DTWD1: variants seen among roughly 807,000 people sequenced by gnomAD.
The protein encoded by DTWD1 is DTW motif tRNA-uridine aminocarboxypropyltransferase 1, also known as tRNA-uridine aminocarboxypropyltransferase 1.
A neutral mutation model predicts 30.2 loss-of-function variants in DTWD1; 27 were observed. The observed-to-expected ratio is 0.90, with a 90% CI of 0.66 to 1.23. The LOEUF (loss-of-function observed/expected upper bound fraction) is 1.23. DTWD1 is among the 50% of genes most tolerant of loss of function. DTWD1 has a pLI of 0.00. For missense variants in DTWD1, 342 were observed against 348.8 expected, an observed-to-expected ratio of 0.98 and a Z score of 0.15; for synonymous variants, 99 against 113.1, an observed-to-expected ratio of 0.88 and a Z score of 0.79.
rs531496787 is a variant in DTWD1, at chr15:49,633,008, A to G, written c.408+706A>G. Among the ~76,000 whole-genome samples the G allele has an allele frequency of 1.4e-4, 20 of 137,942 alleles. No individual in the cohort carries two copies. In the South Asian group the frequency reaches 4.3e-3, roughly 30 times the overall value. The allele number at this position is 137,942 out of a possible 152,430, so 90.5% of individuals were successfully genotyped here. A position where few individuals can be genotyped will look rare whatever the true frequency, so the allele number is the denominator to read the frequency against. On this transcript the variant is annotated intron_variant, in intron 3 of 4. Coordinates refer to ENST00000403028, the MANE Select transcript of DTWD1 (RefSeq NM_001144955.2). ...AATTAGTGCATTCATTTGTTCCAGGAAGAACTTGGTAAATTTTTACTTTCC... is the reference window on the plus strand; with the variant it reads ...AATTAGTGCATTCATTTGTTCCAGGGAGAACTTGGTAAATTTTTACTTTCC...
At chr15:49,627,943 C>T (rs541119214) in intron 2 of DTWD1, among the ~76,000 whole-genome samples, 1 of 152,234 alleles carries the variant, frequency 6.6e-6, no homozygotes, top group African/African-American at 2.4e-5. Context: ...CTTACTGTGA[C>T]TTTTTTACTT....
chr15:49,624,156 GT>G (rs1312539691), intron 1 of DTWD1, among the ~76,000 whole-genome samples: 1 of 151,978 alleles, frequency 6.6e-6, no homozygotes, highest in Non-Finnish European at 1.5e-5. Context: ...TGGACTTTTT[GT>G]TCACTTTCTG....
chr15:49,639,818 T>C (rs960093755), intron 4 of DTWD1, among the ~76,000 whole-genome samples: 2 of 152,198 alleles, frequency 1.3e-5, no homozygotes, highest in African/African-American at 4.8e-5. Context: ...AAGCTTGTCA[T>C]TGACATGATT....
At position 49,654,392 on chromosome 15, in the gene DTWD1, T is replaced by C. The variant is rs1033644441; in HGVS notation, c.*10814T>C. ...GAGGGTAGAGTCCATTTCCTTTTCCTTTTAATCTGGATTGGCCTTCTAACT... is the reference window on the plus strand; with the variant it reads ...GAGGGTAGAGTCCATTTCCTTTTCCCTTTAATCTGGATTGGCCTTCTAACT... On this transcript the variant is annotated 3_prime_UTR_variant, in exon 5 of 5. Coordinates refer to ENST00000403028, the MANE Select transcript of DTWD1 (RefSeq NM_001144955.2). The C allele has an allele frequency of 5.9e-5, 9 of 152,088 alleles. No individual in the cohort carries two copies. The highest frequency in any genetic ancestry group is 2.2e-4 in the African/African-American group (9 of 41,452). 9.4% of individuals were successfully genotyped at this position (152,088 alleles called of 1,614,324 possible).
At chr15:49,637,362 A>T (rs1217617861) in intron 4 of DTWD1, among the ~76,000 whole-genome samples, 2 of 152,152 alleles carry the variant, frequency 1.3e-5, no homozygotes, top group African/African-American at 4.8e-5. Context: ...TGCAACAGGC[A>T]AGTTCACTTG....
At chr15:49,642,461 G>A (rs1357049832) in intron 4 of DTWD1, among the ~76,000 whole-genome samples, 1 of 152,090 alleles carries the variant, frequency 6.6e-6, no homozygotes, top group African/African-American at 2.4e-5. Context: ...GCATACATGT[G>A]ACAGAGCTAA....
chr15:49,639,477 G>A (rs2079040657), intron 4 of DTWD1, among the ~76,000 whole-genome samples: 1 of 152,168 alleles, frequency 6.6e-6, no homozygotes, highest in Admixed American at 6.6e-5. Context: ...CAGGAGGATT[G>A]CTTGAGCCCA....
Position 49,649,259 on chromosome 15 carries a change from A to G in DTWD1, c.*5681A>G, listed in dbSNP as rs949120458. The stretch of plus-strand genomic sequence containing the variant: ...TGCCTTTAGAACTTTAAGTGAAAAT[A>G]GTTTTCTATTTGGATTCTATTTTTA... On this transcript the variant is annotated 3_prime_UTR_variant, in exon 5 of 5. Coordinates refer to ENST00000403028, the MANE Select transcript of DTWD1 (RefSeq NM_001144955.2). 6.6e-6 allele frequency: 1 copy of G among 152,200 alleles called. No homozygotes were observed. The highest frequency in any genetic ancestry group is 2.4e-5 in the African/African-American group (1 of 41,460). The allele number at this position is 152,200 out of a possible 1,614,324, so 9.4% of individuals were successfully genotyped here.
chr15:49,630,769 C>T (rs568565623), intron 2 of DTWD1: 140 of 167,666 alleles, frequency 8.3e-4, no homozygotes, highest in African/African-American at 3.1e-3. Context: ...AACCAGGCCG[C>T]ACACCAAGAG....
rs2079154314 is a variant in DTWD1 at position 49,651,893 on chromosome 15, C to G, written c.*8315C>G. 6.6e-6 allele frequency: 1 copy of G among 152,116 alleles called. No individual in the cohort carries two copies. Among genetic ancestry groups the G allele is most frequent in the Admixed American group, 6.6e-5 (1 of 15,264 alleles). 9.4% of individuals were successfully genotyped at this position (152,116 alleles called of 1,614,324 possible). A position where few individuals can be genotyped will look rare whatever the true frequency, so the allele number is the denominator to read the frequency against. On this transcript the variant is annotated 3_prime_UTR_variant, in exon 5 of 5. Coordinates refer to ENST00000403028, the MANE Select transcript of DTWD1 (RefSeq NM_001144955.2). ...ACTTTTTTCACCACTTGGAATTTGT[C>G]AGCTTGATAGAACATTGGAACAACC...
chr15:49,628,647 T>C (rs777372412), intron 2 of DTWD1, among the ~76,000 whole-genome samples: 4 of 152,190 alleles, frequency 2.6e-5, no homozygotes, highest in Non-Finnish European at 5.9e-5. Flanking sequence ...GCAGAAGGAT[T>C]TGTGGTAAGT....
At position 49,625,324 on chromosome 15, in the gene DTWD1, A is replaced by T; in HGVS notation, c.157A>T (p.Ser53Cys). 6.2e-7 allele frequency: 1 copy of T among 1,613,732 alleles called. No individual in the cohort carries two copies. The highest frequency in any genetic ancestry group is 8.5e-7 in the Non-Finnish European group (1 of 1,179,824). ...SQEVLQKAQQSGRSKCLKCGG... is the reference protein window; with the variant it reads ...SQEVLQKAQQCGRSKCLKCGG... ...AGAAGTTCTTCAAAAAGCTCAGCAA[A>T]GTGGGAGATCAAAATGTCTCAAATG... The change falls in exon 2 of 5, where the codon AGT becomes TGT. Residue 53 changes from serine (S) to cysteine (C), a missense_variant. Physicochemically the swap from Ser to Cys is moderately radical, Grantham distance 112. Transcript: ENST00000403028.
At chr15:49,633,061 A>ATATCTATATATATC (rs2153352694) in intron 3 of DTWD1, among the ~76,000 whole-genome samples, 1 of 144,896 alleles carries the variant, frequency 6.9e-6, no homozygotes, top group South Asian at 2.1e-4. Context: ...ATATATATAT[A>ATATCTATATATATC]TATATATATG....
In DTWD1 at chr15:49,653,965, C is replaced by G. The variant is rs1314714646; in HGVS notation, c.*10387C>G. 6.6e-6 allele frequency: 1 copy of G among 152,050 alleles called. No homozygotes were observed. Among genetic ancestry groups the G allele is most frequent in the African/African-American group, 2.4e-5 (1 of 41,422 alleles). 9.4% of individuals were successfully genotyped at this position (152,050 alleles called of 1,614,324 possible). A position where few individuals can be genotyped will look rare whatever the true frequency, so the allele number is the denominator to read the frequency against. ...GAGCAATGGATTAGGAAACCACTAC[C>G]AGAGGGATGAACTGAACCACAATCA... On this transcript the variant is annotated 3_prime_UTR_variant, in exon 5 of 5. Transcript: ENST00000403028.
In DTWD1 at chr15:49,647,679, C is replaced by G. The variant is rs1344585100; in HGVS notation, c.*4101C>G. ...TGACCCTACATTGAAGGCCACCAGCCAAAAATCACCACCCATACATAAGAG... is the reference window on the plus strand; with the variant it reads ...TGACCCTACATTGAAGGCCACCAGCGAAAAATCACCACCCATACATAAGAG... On this transcript the variant is annotated 3_prime_UTR_variant, in exon 5 of 5. Transcript: ENST00000403028. 1 of 151,852 alleles carries G rather than the reference C, an allele frequency of 6.6e-6. No individual in the cohort carries two copies. Among genetic ancestry groups the G allele is most frequent in the Non-Finnish European group, 1.5e-5 (1 of 67,976 alleles). 9.4% of individuals were successfully genotyped at this position (151,852 alleles called of 1,614,324 possible). A position where few individuals can be genotyped will look rare whatever the true frequency, so the allele number is the denominator to read the frequency against.
chr15:49,628,337 A>G (rs75642050), intron 2 of DTWD1, among the ~76,000 whole-genome samples: 2,529 of 152,336 alleles, frequency 0.017, 31 homozygotes, highest in Middle Eastern at 0.037. Context: ...AGTGTACTCT[A>G]AAACTAAAAA....
At chr15:49,635,541 G>A (rs2078990114) in intron 4 of DTWD1, among the ~76,000 whole-genome samples, 1 of 151,944 alleles carries the variant, frequency 6.6e-6, no homozygotes, top group East Asian at 1.9e-4. Context: ...CTGTTACCCA[G>A]GCTAGCAGTG....
chr15:49,625,685 C>T (rs1422378413), intron 2 of DTWD1, among the ~76,000 whole-genome samples: 1 of 152,162 alleles, frequency 6.6e-6, no homozygotes, highest in Non-Finnish European at 1.5e-5. Flanking sequence ...AACCCTAATG[C>T]AGTTCCTGTC....
At position 49,649,712 on chromosome 15, in the gene DTWD1, TG is replaced by T. The variant is rs1394884456; in HGVS notation, c.*6137del. ...GAGATGGTGCCATTGCACTCCAGCC[TG>T]GGTGACAGAGTGAGACTCCGTCTCA... On this transcript the variant is annotated 3_prime_UTR_variant, in exon 5 of 5. Transcript: ENST00000403028. 10 of 152,258 alleles carry T rather than the reference TG, an allele frequency of 6.6e-5. No homozygotes were observed. The highest frequency in any genetic ancestry group is 2.4e-4 in the African/African-American group (10 of 41,402). The allele number at this position is 152,258 out of a possible 1,614,324, so 9.4% of individuals were successfully genotyped here. A position where few individuals can be genotyped will look rare whatever the true frequency, so the allele number is the denominator to read the frequency against.
Sources: gnomAD v4.1 joint callset for allele counts (sites outside exome capture counted in the v4.1 genomes callset) on GRCh38, gnomAD v4.1.1 for gene constraint, MANE v1.5 for transcripts, NCBI Gene and HGNC (gene_info 2026-07-23, HGNC 2026-07-21) for gene names.